The following GPSM1 variants were observed in gnomAD, a reference collection of about 807,000 sequenced individuals.
GPSM1 encodes the protein G protein signaling modulator 1.
In GPSM1, 48 loss-of-function variants were observed where a neutral mutation model predicts 70.5. The observed-to-expected ratio is 0.68, with a 90% CI of 0.54 to 0.87. The LOEUF (loss-of-function observed/expected upper bound fraction) is 0.87, where lower values mean the gene tolerates loss of function less well. Among genes scored for constraint, GPSM1 ranks in the 40% least tolerant of loss-of-function variants. The pLI, the probability that GPSM1 is intolerant of heterozygous loss-of-function variation, is 0.00. For synonymous variants in GPSM1, 416 were observed against 430.1 expected (o/e 0.97, Z 0.41); for missense variants, 981 against 972.6 (o/e 1.01, Z -0.11).
chr9:136,334,444 C>A lies in GPSM1; in HGVS notation c.69-3C>A. ...GGCCATGACGCCAAGTTCCTCTGCA[C>A]AGGATGGAGGCGTCCTGCCTAGAGC... On this transcript the variant is annotated splice_polypyrimidine_tract_variant and splice_region_variant and intron_variant, in intron 1 of 13. Transcript: ENST00000440944. The A allele has an allele frequency of 6.2e-7, 1 of 1,609,954 alleles. No individual in the cohort carries two copies. Among genetic ancestry groups the A allele is most frequent in the Non-Finnish European group, 8.5e-7 (1 of 1,178,556 alleles).
chr9:136,351,088 G>A (rs1414379717), intron 11 of GPSM1, among the ~76,000 whole-genome samples: 1 of 152,206 alleles, frequency 6.6e-6, no homozygotes, highest in Non-Finnish European at 1.5e-5. Context: ...GTCTGAAATT[G>A]TTCTTCCGTG....
chr9:136,358,478 C>G lies in GPSM1; in HGVS notation c.*258C>G. 3 of 550,212 alleles carry G rather than the reference C, an allele frequency of 5.5e-6. No individual in the cohort carries two copies. Among genetic ancestry groups the G allele is most frequent in the Non-Finnish European group, 9.5e-6 (3 of 315,594 alleles). 34.1% of individuals were successfully genotyped at this position (550,212 alleles called of 1,614,324 possible). On this transcript the variant is annotated 3_prime_UTR_variant, in exon 14 of 14. Coordinates refer to ENST00000440944, the MANE Select transcript of GPSM1 (RefSeq NM_001145638.3). ...AGGCCGGACGGGGCCTTCGGCATGT[C>G]GGCCCCGACCTGGTGCTGTCAGACT...
Position 136,341,905 on chromosome 9 carries a change from C to T in GPSM1, c.1207+912C>T. ...GCCTCAAGCGATCCTCCCATCTCGGCTTCCAGAAGTGCTGGGATTATAGGC... is the reference window on the plus strand; with the variant it reads ...GCCTCAAGCGATCCTCCCATCTCGGTTTCCAGAAGTGCTGGGATTATAGGC... On this transcript the variant is annotated intron_variant, in intron 9 of 13. Transcript: ENST00000440944. The surrounding 1 kb of genome is among the most constrained non-coding windows in gnomAD (Gnocchi z 6.7). 1 of 491,124 alleles carries T rather than the reference C, an allele frequency of 2.0e-6. No homozygotes were observed. The highest frequency in any genetic ancestry group is 2.6e-6 in the Non-Finnish European group (1 of 378,074). The allele number at this position is 491,124 out of a possible 1,614,324, so 30.4% of individuals were successfully genotyped here. A position where few individuals can be genotyped will look rare whatever the true frequency, so the allele number is the denominator to read the frequency against.
intron 11 of GPSM1, among the ~76,000 whole-genome samples, chr9:136,353,448 G>A (rs1278823886): frequency 6.6e-6 from 1 of 152,010 alleles, no homozygotes; most frequent in East Asian, 1.9e-4. Context: ...GGTGGCCTTG[G>A]GGCCCAGGGT....
intron 2 of GPSM1, 35 bp downstream of exon 2, chr9:136,334,703 G>A (rs1832187372): frequency 3.2e-6 from 5 of 1,560,844 alleles, no homozygotes; most frequent in Non-Finnish European, 4.4e-6. Flanking sequence ...GGGTGAGTGG[G>A]GCGGCCCTGC....
chr9:136,352,973 G>A lies in GPSM1; in HGVS notation c.1456-2717G>A, dbSNP rs147395207. 786 of 416,942 alleles carry A rather than the reference G, an allele frequency of 1.9e-3. 6 individuals are homozygous for A. Among genetic ancestry groups the A allele is most frequent in the African/African-American group, 0.015 (689 of 46,660 alleles). 25.8% of individuals were successfully genotyped at this position (416,942 alleles called of 1,614,324 possible). On this transcript the variant is annotated intron_variant, in intron 11 of 13. Coordinates refer to ENST00000440944, the MANE Select transcript of GPSM1 (RefSeq NM_001145638.3). ...CGCACTCAAGTGAGCAGGGGCGGGCGCTAGGAGGGCCGAGCCCTTGCCCAG... is the reference window on the plus strand; with the variant it reads ...CGCACTCAAGTGAGCAGGGGCGGGCACTAGGAGGGCCGAGCCCTTGCCCAG...
intron 11 of GPSM1, among the ~76,000 whole-genome samples, chr9:136,349,992 C>T (rs1291253638): frequency 6.6e-6 from 1 of 152,232 alleles, no homozygotes; most frequent in Non-Finnish European, 1.5e-5. Flanking sequence ...GCCCCGGCCA[C>T]CGAGGAGCCT....
intron 11 of GPSM1, chr9:136,352,993 G>A (rs1261572952): frequency 5.5e-5 from 37 of 674,372 alleles, no homozygotes; most frequent in Non-Finnish European, 6.2e-5. Context: ...CCGAGCCCTT[G>A]CCCAGGGTCC....
At chr9:136,349,549 C>A in intron 10 of GPSM1, 38 bp from the exon 11 acceptor site, 1 of 1,531,944 alleles carries the variant, frequency 6.5e-7, no homozygotes, top group Non-Finnish European at 8.8e-7. Context: ...CATTGGTTCA[C>A]AATTGCCCAG....
At chr9:136,337,811 G>GC (rs1832283517) in intron 5 of GPSM1, 35 bp from the exon 6 acceptor site, 2 of 1,522,314 alleles carry the variant, frequency 1.3e-6, no homozygotes, top group Non-Finnish European at 1.8e-6. Flanking sequence ...CCGGGGCTGC[G>GC]CCATGACCAC....
intron 1 of GPSM1, chr9:136,332,154 A>T (rs1401352098): frequency 7.5e-6 from 3 of 399,322 alleles, no homozygotes; most frequent in African/African-American, 6.2e-5. Context: ...GAAGATGCGA[A>T]ACCTGCAGAG....
Position 136,339,599 on chromosome 9 carries a change from G to A in GPSM1, c.975-108G>A, listed in dbSNP as rs938640376. The A allele has an allele frequency of 2.2e-5, 16 of 741,006 alleles. No individual in the cohort carries two copies. In the African/African-American group the frequency reaches 2.8e-4, roughly 13 times the overall value. The allele number at this position is 741,006 out of a possible 1,614,324, so 45.9% of individuals were successfully genotyped here. On this transcript the variant is annotated intron_variant, in intron 7 of 13. Transcript: ENST00000440944. The stretch of plus-strand genomic sequence containing the variant: ...CCCCTTGGGCCTGGGGGCCCCTGAT[G>A]ACCCTCGAAGCCAGGGTCATGCTGG...
At chr9:136,334,362 T>TGC (rs1832174995) in intron 1 of GPSM1, 85 bp from the exon 2 acceptor site, 1 of 914,682 alleles carries the variant, frequency 1.1e-6, no homozygotes, top group Non-Finnish European at 1.7e-6. Flanking sequence ...CCCAGGGGCG[T>TGC]CGTCTGTAGT....
In GPSM1 at chr9:136,341,000, TC is replaced by T. The variant is rs1832376363; in HGVS notation, c.1207+9del. The T allele has an allele frequency of 6.4e-7, 1 of 1,566,272 alleles. No individual in the cohort carries two copies. Among genetic ancestry groups the T allele is most frequent in the African/African-American group, 1.4e-5 (1 of 73,728 alleles). The stretch of plus-strand genomic sequence containing the variant: ...GCCGGCTATGAGGCCCAGGGTGAGT[TC>T]CAGGGTTGTGGGGGGGTCTTGCTCC... On this transcript the variant is annotated splice_region_variant and intron_variant, in intron 9 of 13. Transcript: ENST00000440944. This position sits in a 1 kb window ranked among gnomAD's most constrained non-coding sequence, Gnocchi z 7.3.
intron 11 of GPSM1, among the ~76,000 whole-genome samples, chr9:136,354,585 C>G (rs1382581232): frequency 6.6e-6 from 1 of 152,218 alleles, no homozygotes; most frequent in East Asian, 1.9e-4. Context: ...CAGCGCCGGT[C>G]GGGAGGTGGA....
Position 136,343,523 on chromosome 9 carries a change from G to T in GPSM1, c.1207+2530G>T, listed in dbSNP as rs962828058. On this transcript the variant is annotated intron_variant, in intron 9 of 13. Transcript: ENST00000440944. The surrounding 1 kb of genome is among the most constrained non-coding windows in gnomAD (Gnocchi z 6.0). ...GCACGGTACACAAGAGTTACTGGGGGAGCATGCCACCAGCCTTCCTGGGAG... is the reference window on the plus strand; with the variant it reads ...GCACGGTACACAAGAGTTACTGGGGTAGCATGCCACCAGCCTTCCTGGGAG... 1.3e-5 allele frequency among the ~76,000 whole-genome samples: 2 copies of T among 152,130 alleles called. No homozygotes were observed. The highest frequency in any genetic ancestry group is 2.4e-5 in the African/African-American group (1 of 41,362).
At chr9:136,350,816 G>A (rs987675476) in intron 11 of GPSM1, among the ~76,000 whole-genome samples, 4 of 152,170 alleles carry the variant, frequency 2.6e-5, no homozygotes, top group Admixed American at 1.3e-4. Flanking sequence ...CAGAGGTGGC[G>A]GGAGGGGTGG....
At chr9:136,333,882 G>A (rs782515989) in intron 1 of GPSM1, among the ~76,000 whole-genome samples, 1 of 152,148 alleles carries the variant, frequency 6.6e-6, no homozygotes, top group Non-Finnish European at 1.5e-5. Context: ...GAGGCTGACT[G>A]AATCCCCAGG....
At chr9:136,353,073 G>A (rs1832715087) in intron 11 of GPSM1, 4 of 985,102 alleles carry the variant, frequency 4.1e-6, no homozygotes, top group Non-Finnish European at 3.6e-6. Context: ...GGTGGCCCTG[G>A]GCACCTTGTG....
Sources: allele counts gnomAD v4.1 joint callset (sites outside exome capture counted in the v4.1 genomes callset), GRCh38; gene constraint gnomAD v4.1.1; non-coding constraint Gnocchi (gnomAD v3.1); transcripts MANE v1.5; gene names NCBI Gene and HGNC (gene_info 2026-07-23, HGNC 2026-07-21).